Variants in ATP8A2 observed in about 807,000 individuals in gnomAD.
ATP8A2 encodes the protein ATPase phospholipid transporting 8A2, also known as phospholipid-transporting ATPase IB.
Under a neutral mutation model 165.6 loss-of-function variants are expected in ATP8A2, and 100 were observed. The ratio of observed to expected loss-of-function variants is 0.60; its 90% CI spans 0.51 to 0.71. The LOEUF (loss-of-function observed/expected upper bound fraction) is 0.71, where lower values mean the gene tolerates loss of function less well. Among genes scored for constraint, ATP8A2 ranks in the 30% least tolerant of loss-of-function variants. The pLI is 0.00. For missense variants in ATP8A2, 1,227 were observed against 1,479.5 expected, an observed-to-expected ratio of 0.83 and a Z score of 2.80; for synonymous variants, 543 against 548.8, an observed-to-expected ratio of 0.99 and a Z score of 0.15.
At chr13:25,852,547 C>T (rs1222656244) in intron 30 of ATP8A2, among the ~76,000 whole-genome samples, 2 of 152,196 alleles carry the variant, frequency 1.3e-5, no homozygotes, top group African/African-American at 4.8e-5. Context: ...CTGGATATTT[C>T]CTTTCCATTA....
intron 30 of ATP8A2, among the ~76,000 whole-genome samples, chr13:25,852,906 G>GAA (rs58941860): frequency 9.0e-5 from 13 of 145,100 alleles, no homozygotes; most frequent in Non-Finnish European, 1.4e-4. Context: ...CTCAGTCTCA[G>GAA]AAAAAAAAAA....
intron 24 of ATP8A2, among the ~76,000 whole-genome samples, chr13:25,660,412 A>T (rs1319326338): frequency 6.6e-6 from 1 of 152,234 alleles, no homozygotes; most frequent in Non-Finnish European, 1.5e-5. Flanking sequence ...ACCCGGGCTG[A>T]TGTAAATGAA....
chr13:25,844,564 T>A (rs1440708387), intron 30 of ATP8A2, among the ~76,000 whole-genome samples: 1 of 152,030 alleles, frequency 6.6e-6, no homozygotes. Context: ...GGAGAATGTA[T>A]ATCCTCCCCA....
intron 24 of ATP8A2, among the ~76,000 whole-genome samples, chr13:25,655,728 T>TAA (rs201905932): frequency 2.3e-5 from 3 of 131,602 alleles, no homozygotes; most frequent in Admixed American, 7.6e-5. Flanking sequence ...TAAATCTCTT[T>TAA]AAAAAAAAAA....
intron 24 of ATP8A2, among the ~76,000 whole-genome samples, chr13:25,621,057 G>C (rs894429784): frequency 1.3e-5 from 2 of 152,104 alleles, no homozygotes; most frequent in African/African-American, 4.8e-5. Context: ...GGCCTCCATG[G>C]TATCACTCCC....
intron 1 of ATP8A2, among the ~76,000 whole-genome samples, chr13:25,376,982 C>T (rs1043658938): frequency 7.2e-5 from 11 of 152,176 alleles, no homozygotes; most frequent in African/African-American, 2.4e-4. Flanking sequence ...ACTACAAGGC[C>T]GTCTTCTACC....
At chr13:25,448,042 G>T (rs527760273) in intron 1 of ATP8A2, among the ~76,000 whole-genome samples, 47 of 152,280 alleles carry the variant, frequency 3.1e-4, no homozygotes, top group African/African-American at 7.7e-4. Context: ...ACAGGATGGG[G>T]TGTGGTGTGC....
intron 24 of ATP8A2, among the ~76,000 whole-genome samples, chr13:25,647,281 A>C (rs1341706596): frequency 6.6e-6 from 1 of 152,218 alleles, no homozygotes; most frequent in African/African-American, 2.4e-5. Flanking sequence ...TGTAAAGCAG[A>C]CCTAATGATG....
At chr13:26,004,012 G>T (rs1053599700) in intron 35 of ATP8A2, among the ~76,000 whole-genome samples, 1 of 152,090 alleles carries the variant, frequency 6.6e-6, no homozygotes, top group Non-Finnish European at 1.5e-5. Flanking sequence ...GTCTTTTGTG[G>T]TTCCATATAA....
At chr13:25,523,057 G>T (rs2037720541) in intron 2 of ATP8A2, among the ~76,000 whole-genome samples, 1 of 151,584 alleles carries the variant, frequency 6.6e-6, no homozygotes, top group South Asian at 2.1e-4. Context: ...GGCACAGGTT[G>T]TGGTGAGCTG....
At chr13:25,793,145 A>G (rs1277854404) in intron 27 of ATP8A2, among the ~76,000 whole-genome samples, 1 of 152,212 alleles carries the variant, frequency 6.6e-6, no homozygotes, top group Non-Finnish European at 1.5e-5. Context: ...TTTTCACAGC[A>G]GTGCTTGCAA....
chr13:25,977,538 A>T (rs1282610128), intron 35 of ATP8A2, among the ~76,000 whole-genome samples: 1 of 152,190 alleles, frequency 6.6e-6, no homozygotes, highest in African/African-American at 2.4e-5. Context: ...GAAGTGAAAC[A>T]CCTCATTAGC....
chr13:25,912,405 G>C (rs999537455), intron 33 of ATP8A2, among the ~76,000 whole-genome samples: 1 of 152,156 alleles, frequency 6.6e-6, no homozygotes, highest in African/African-American at 2.4e-5. Flanking sequence ...GGGATGGAGA[G>C]ATGATGGTCA....
intron 1 of ATP8A2, among the ~76,000 whole-genome samples, chr13:25,386,901 G>GC (rs2033069455): frequency 6.7e-6 from 1 of 149,140 alleles, no homozygotes; most frequent in Non-Finnish European, 1.5e-5. Context: ...GGAGGCTGAA[G>GC]CAGGAGAATG....
Position 25,857,601 on chromosome 13 carries a change from T to C in ATP8A2, c.2957-2594T>C, listed in dbSNP as rs1429195120. ...TTTTTTTTTTTTTTTTGAGGCAGAG[T>C]CTCACTCTGTTGCCCAGGCTGGAGT... On this transcript the variant is annotated intron_variant, in intron 30 of 36. Coordinates refer to ENST00000381655, the MANE Select transcript of ATP8A2 (RefSeq NM_016529.6). Among the ~76,000 whole-genome samples, 3 of 137,862 alleles carry C rather than the reference T, an allele frequency of 2.2e-5. No homozygotes were observed. In the East Asian group the frequency reaches 6.5e-4, roughly 30 times the overall value. 90.4% of individuals were successfully genotyped at this position (137,862 alleles called of 152,430 possible).
chr13:25,412,128 G>A (rs2033984833), intron 1 of ATP8A2, among the ~76,000 whole-genome samples: 1 of 152,162 alleles, frequency 6.6e-6, no homozygotes, highest in South Asian at 2.1e-4. Context: ...GCCCCTCTCA[G>A]AGACAGGCAG....
intron 19 of ATP8A2, 147 bp from the exon 20 acceptor site, chr13:25,576,922 T>C: frequency 1.5e-6 from 1 of 664,022 alleles, no homozygotes; most frequent in Non-Finnish European, 2.7e-6. Flanking sequence ...CACAGTTAGG[T>C]CCTACTTTGA....
At chr13:25,719,021 C>T (rs146080103) in intron 25 of ATP8A2, among the ~76,000 whole-genome samples, 1 of 152,266 alleles carries the variant, frequency 6.6e-6, no homozygotes, top group Non-Finnish European at 1.5e-5. Context: ...TTGTTCTGCA[C>T]CTCTAAATTA....
At chr13:25,900,765 G>A (rs1314169510) in intron 33 of ATP8A2, among the ~76,000 whole-genome samples, 1 of 152,186 alleles carries the variant, frequency 6.6e-6, no homozygotes, top group African/African-American at 2.4e-5. Context: ...AGAGAGAAGT[G>A]TCCAAGGCAC....
Sources: allele counts gnomAD v4.1 joint callset (sites outside exome capture counted in the v4.1 genomes callset), GRCh38; gene constraint gnomAD v4.1.1; transcripts MANE v1.5; gene names NCBI Gene and HGNC (gene_info 2026-07-23, HGNC 2026-07-21).